RGS7: variants seen among roughly 807,000 people sequenced by gnomAD.
The protein encoded by RGS7 is regulator of G-protein signaling 7.
Under a neutral mutation model 81.1 loss-of-function variants are expected in RGS7, and 27 were observed. The observed-to-expected ratio is 0.33, with a 90% CI of 0.25 to 0.46. The LOEUF is 0.46. RGS7 is among the 20% of genes least tolerant of loss of function. The pLI is 1.00. For missense variants in RGS7, 396 were observed against 607.4 expected, an observed-to-expected ratio of 0.65 and a Z score of 3.66; for synonymous variants, 208 against 207.7, an observed-to-expected ratio of 1.00 and a Z score of -0.01.
At chr1:240,966,680 G>GA (rs1055507669) in intron 4 of RGS7, among the ~76,000 whole-genome samples, 3 of 152,210 alleles carry the variant, frequency 2.0e-5, no homozygotes, top group Non-Finnish European at 4.4e-5. Flanking sequence ...TTTACTTAGA[G>GA]AAAAAATTGA....
At chr1:240,932,261 C>T (rs1675577892) in intron 5 of RGS7, among the ~76,000 whole-genome samples, 1 of 152,086 alleles carries the variant, frequency 6.6e-6, no homozygotes, top group South Asian at 2.1e-4. Context: ...AAGAAGGCTA[C>T]TAACAGTAGT....
chr1:240,780,212 C>G (rs984195320), intron 18 of RGS7, among the ~76,000 whole-genome samples: 3 of 151,864 alleles, frequency 2.0e-5, no homozygotes, highest in Non-Finnish European at 2.9e-5. Context: ...TTTGGGAGGC[C>G]GAGGCGGGTG....
chr1:240,935,060 T>G (rs951139255), intron 5 of RGS7, among the ~76,000 whole-genome samples: 2 of 125,468 alleles, frequency 1.6e-5, no homozygotes, highest in South Asian at 2.6e-4. Context: ...AGCTAATTTT[T>G]TTTGTTTGTT....
At chr1:241,139,054 C>T (rs529488751) in intron 2 of RGS7, among the ~76,000 whole-genome samples, 1 of 152,224 alleles carries the variant, frequency 6.6e-6, no homozygotes, top group African/African-American at 2.4e-5. Context: ...AATGGAACCA[C>T]ACAATATGTG....
intron 2 of RGS7, among the ~76,000 whole-genome samples, chr1:241,257,091 G>A (rs1419790767): frequency 6.6e-6 from 1 of 151,928 alleles, no homozygotes; most frequent in East Asian, 1.9e-4. Flanking sequence ...TAAGACTACT[G>A]TCTTAGTCCA....
intron 6 of RGS7, among the ~76,000 whole-genome samples, chr1:240,897,319 T>C (rs1277555785): frequency 2.0e-5 from 3 of 152,210 alleles, no homozygotes; most frequent in Admixed American, 6.5e-5. Flanking sequence ...CAACACTATG[T>C]TGAATAGGAA....
At chr1:241,077,864 G>T (rs1318798942) in intron 3 of RGS7, among the ~76,000 whole-genome samples, 4 of 152,144 alleles carry the variant, frequency 2.6e-5, no homozygotes, top group African/African-American at 7.2e-5. Flanking sequence ...TCTTACCGGG[G>T]TGACTTTTCT....
intron 2 of RGS7, among the ~76,000 whole-genome samples, chr1:241,134,805 G>C (rs2067372255): frequency 6.6e-6 from 1 of 152,106 alleles, no homozygotes; most frequent in South Asian, 2.1e-4. Flanking sequence ...GGGCCTGAAA[G>C]CTTGAAGAGA....
At chr1:240,930,807 T>G in intron 5 of RGS7, 39 bp from the exon 6 acceptor site, 2 of 1,596,852 alleles carry the variant, frequency 1.3e-6, no homozygotes, top group Non-Finnish European at 1.7e-6. Context: ...ATTAGACAAA[T>G]AAAAAATTAG....
chr1:240,822,958 C>A (rs1426875333), intron 10 of RGS7: 2 of 486,590 alleles, frequency 4.1e-6, no homozygotes, highest in South Asian at 2.1e-5. Context: ...ATAAATAATA[C>A]ATTTTTTTTC....
intron 18 of RGS7, among the ~76,000 whole-genome samples, chr1:240,784,128 A>G (rs1684622473): frequency 6.6e-6 from 1 of 151,352 alleles, no homozygotes; most frequent in African/African-American, 2.4e-5. Flanking sequence ...TGGAGGTTGC[A>G]GTGAGCCAAG....
intron 2 of RGS7, among the ~76,000 whole-genome samples, chr1:241,206,767 C>G (rs2073912626): frequency 6.6e-6 from 1 of 152,076 alleles, no homozygotes; most frequent in Non-Finnish European, 1.5e-5. Flanking sequence ...TTCCTGCTCA[C>G]CTCTCCATGT....
intron 2 of RGS7, among the ~76,000 whole-genome samples, chr1:241,353,565 G>C (rs2083378425): frequency 6.6e-6 from 1 of 152,156 alleles, no homozygotes; most frequent in Admixed American, 6.5e-5. Flanking sequence ...TAAGCATTAA[G>C]AGTAAAATGT....
chr1:241,117,402 G>A (rs1371746499), intron 2 of RGS7, among the ~76,000 whole-genome samples: 1 of 152,170 alleles, frequency 6.6e-6, no homozygotes, highest in Admixed American at 6.6e-5. Context: ...TAAACGTTTA[G>A]TGATTCTAAA....
At chr1:240,822,956 T>C (rs917913903) in intron 10 of RGS7, 19 of 489,288 alleles carry the variant, frequency 3.9e-5, no homozygotes, top group Non-Finnish European at 6.4e-5. Context: ...GAATAAATAA[T>C]ACATTTTTTT....
intron 3 of RGS7, among the ~76,000 whole-genome samples, chr1:241,089,135 AT>A (rs2063708701): frequency 7.3e-6 from 1 of 136,132 alleles, no homozygotes; most frequent in Admixed American, 7.4e-5. Context: ...TCAACTGGGC[AT>A]AGGGGAAAAG....
rs114078054 is a variant in RGS7, at chr1:241,354,474, C to T, written c.78+1225G>A. On this transcript the variant is annotated intron_variant, in intron 2 of 18. Transcript: ENST00000440928. ...CATAGGTACACAGTATAGTACTGTTCGCCCAGGCTAGAGAATAAAACAGCT... is the reference window on the plus strand; with the variant it reads ...CATAGGTACACAGTATAGTACTGTTTGCCCAGGCTAGAGAATAAAACAGCT... 7.8e-3 allele frequency among the ~76,000 whole-genome samples: 1,181 copies of T among 152,270 alleles called. 17 individuals carry two copies. Among genetic ancestry groups the T allele is most frequent in the African/African-American group, 0.027 (1,115 of 41,542 alleles).
chr1:241,098,432 G>T (rs961649609), intron 3 of RGS7, among the ~76,000 whole-genome samples: 1 of 151,684 alleles, frequency 6.6e-6, no homozygotes, highest in African/African-American at 2.4e-5. Flanking sequence ...GTTTTACTTC[G>T]CATTTGTTCA....
At chr1:240,804,675 C>T (rs1212958981) in intron 15 of RGS7, among the ~76,000 whole-genome samples, 1 of 152,102 alleles carries the variant, frequency 6.6e-6, no homozygotes, top group African/African-American at 2.4e-5. Context: ...TAGAAAGATG[C>T]TCGGCATTTT....
Sources: allele counts gnomAD v4.1 joint callset (sites outside exome capture counted in the v4.1 genomes callset), GRCh38; gene constraint gnomAD v4.1.1; transcripts MANE v1.5; gene names NCBI Gene and HGNC (gene_info 2026-07-23, HGNC 2026-07-21).